Variants in CEACAM4 observed in about 807,000 individuals in gnomAD.
The protein encoded by CEACAM4 is CEA cell adhesion molecule 4, also known as cell adhesion molecule CEACAM4.
Under a neutral mutation model 28.7 loss-of-function variants are expected in CEACAM4, and 30 were observed. That is an observed-to-expected ratio of 1.05 (90% CI 0.78 to 1.42). CEACAM4 has a LOEUF of 1.42. CEACAM4 is among the 40% of genes most tolerant of loss of function. CEACAM4 has a pLI of 0.00. For synonymous variants in CEACAM4, 143 were observed against 126.5 expected (o/e 1.13, Z -0.87); for missense variants, 330 against 308.2 (o/e 1.07, Z -0.53).
At chr19:41,623,321 A>C (rs1195940182) in intron 2 of CEACAM4, among the ~76,000 whole-genome samples, 2 of 151,410 alleles carry the variant, frequency 1.3e-5, no homozygotes, top group African/African-American at 4.9e-5. Flanking sequence ...CTGGCCCCAG[A>C]GTTGTTTTAA....
chr19:41,625,171 A>C (rs1372772585), intron 2 of CEACAM4, among the ~76,000 whole-genome samples: 3 of 152,194 alleles, frequency 2.0e-5, no homozygotes, highest in Non-Finnish European at 4.4e-5. Context: ...CCTTGCTCCC[A>C]GTAAGCCCTG....
Position 41,626,986 on chromosome 19 carries a change from T to C in CEACAM4, c.-23A>G. 3.8e-6 allele frequency: 6 copies of C among 1,590,078 alleles called. No homozygotes were observed. The highest frequency in any genetic ancestry group is 4.3e-6 in the Non-Finnish European group (5 of 1,168,712). On this transcript the variant is annotated 5_prime_UTR_variant, in exon 1 of 7. Coordinates refer to ENST00000221954, the MANE Select transcript of CEACAM4 (RefSeq NM_001817.4). ...CATGGTCTCTGCTGCCTGCTTGTCCTCTGTGGAGAGGAGCTGGGCTCCAGG... is the reference window on the plus strand; with the variant it reads ...CATGGTCTCTGCTGCCTGCTTGTCCCCTGTGGAGAGGAGCTGGGCTCCAGG...
chr19:41,619,095 C>G lies in CEACAM4; in HGVS notation c.*235G>C, dbSNP rs3745933. 2 of 536,900 alleles carry G rather than the reference C, an allele frequency of 3.7e-6. No individual in the cohort carries two copies. Among genetic ancestry groups the G allele is most frequent in the Non-Finnish European group, 6.6e-6 (2 of 304,708 alleles). The allele number at this position is 536,900 out of a possible 1,614,324, so 33.3% of individuals were successfully genotyped here. A position where few individuals can be genotyped will look rare whatever the true frequency, so the allele number is the denominator to read the frequency against. Reference sequence around the variant, plus strand: ...CAGGCCCATTCACTTTCCTTGCAAGCCCCCGCTTCCTGTGGTGATGAGAGG... The same window carrying G: ...CAGGCCCATTCACTTTCCTTGCAAGGCCCCGCTTCCTGTGGTGATGAGAGG... On this transcript the variant is annotated 3_prime_UTR_variant, in exon 7 of 7. Transcript: ENST00000221954.
chr19:41,613,995 C>A, the CEACAM4 span, among the ~76,000 whole-genome samples: 1 of 152,134 alleles, frequency 6.6e-6, no homozygotes, highest in Non-Finnish European at 1.5e-5. Flanking sequence ...TTTTTACAGC[C>A]CAAATATCAT....
At chr19:41,625,230 G>A (rs1220664625) in intron 2 of CEACAM4, among the ~76,000 whole-genome samples, 2 of 152,180 alleles carry the variant, frequency 1.3e-5, no homozygotes, top group South Asian at 2.1e-4. Flanking sequence ...GGGGTCACAC[G>A]GAGTCAGGAG....
At chr19:41,616,432 T>C (rs2070982792), downstream of CEACAM4, among the ~76,000 whole-genome samples, 1 of 152,170 alleles carries the variant, frequency 6.6e-6, no homozygotes, top group African/African-American at 2.4e-5. Context: ...AGCATGTTCA[T>C]AGTATGCAGT....
At chr19:41,616,190 C>T (rs781873921), downstream of CEACAM4, among the ~76,000 whole-genome samples, 5 of 152,046 alleles carry the variant, frequency 3.3e-5, no homozygotes, top group Non-Finnish European at 7.4e-5. Flanking sequence ...CCACCAGGCC[C>T]GGCTAAATTT....
downstream of CEACAM4, among the ~76,000 whole-genome samples, chr19:41,618,727 C>T (rs1026116993): frequency 2.0e-5 from 3 of 152,164 alleles, no homozygotes; most frequent in Admixed American, 6.5e-5. Context: ...TGAGACCCCA[C>T]ATGCATTCAC....
chr19:41,619,307 A>C lies in CEACAM4; in HGVS notation c.*23T>G. 2 of 1,608,654 alleles carry C rather than the reference A, an allele frequency of 1.2e-6. No homozygotes were observed. Among genetic ancestry groups the C allele is most frequent in the Non-Finnish European group, 1.7e-6 (2 of 1,175,206 alleles). On this transcript the variant is annotated 3_prime_UTR_variant, in exon 7 of 7. Coordinates refer to ENST00000221954, the MANE Select transcript of CEACAM4 (RefSeq NM_001817.4). Reference sequence around the variant, plus strand: ...AGCTTCGGGGACGCTCCATCAACCCACAAGAGCAGCTCCCAGAGGAACCTA... The same window carrying C: ...AGCTTCGGGGACGCTCCATCAACCCCCAAGAGCAGCTCCCAGAGGAACCTA...
intron 2 of CEACAM4, among the ~76,000 whole-genome samples, chr19:41,624,716 T>C (rs1207879022): frequency 6.6e-6 from 1 of 152,190 alleles, no homozygotes; most frequent in Non-Finnish European, 1.5e-5. Flanking sequence ...GTGGCCGGTG[T>C]CTGTATCTCT....
chr19:41,613,956 C>T, the CEACAM4 span, among the ~76,000 whole-genome samples: 5 of 152,336 alleles, frequency 3.3e-5, no homozygotes, highest in South Asian at 4.1e-4. Flanking sequence ...CAAATACTTT[C>T]GATGCATTCT....
intron 4 of CEACAM4, 105 bp from the exon 5 acceptor site, chr19:41,620,347 G>T: frequency 8.9e-7 from 1 of 1,122,712 alleles, no homozygotes; most frequent in Non-Finnish European, 1.2e-6. Flanking sequence ...GGGAGAGGGA[G>T]CCTCTTCCCA....
chr19:41,619,540 C>T (rs1568644668), intron 6 of CEACAM4, 130 bp downstream of exon 6: 2 of 1,540,128 alleles, frequency 1.3e-6, no homozygotes, highest in Non-Finnish European at 1.8e-6. Context: ...CCCCTCCCTC[C>T]TCTGCTCACC....
downstream of CEACAM4, among the ~76,000 whole-genome samples, chr19:41,615,906 G>C (rs959252215): frequency 2.0e-5 from 3 of 152,202 alleles, no homozygotes; most frequent in Non-Finnish European, 4.4e-5. Flanking sequence ...GAGGTGATGG[G>C]AATGAGGAAG....
At chr19:41,621,082 G>C (rs879985257) in intron 3 of CEACAM4, among the ~76,000 whole-genome samples, 4 of 152,076 alleles carry the variant, frequency 2.6e-5, no homozygotes, top group African/African-American at 9.7e-5. Context: ...TTCAGGCCTG[G>C]AGATGCTGAA....
intron 4 of CEACAM4, 68 bp downstream of exon 4, chr19:41,620,507 G>A: frequency 7.3e-7 from 1 of 1,361,118 alleles, no homozygotes; most frequent in Non-Finnish European, 1.0e-6. Flanking sequence ...CCCAGGGGGT[G>A]ACTGGCAGGA....
In CEACAM4 at chr19:41,626,090, GT is replaced by G. The variant is rs1215786826; in HGVS notation, c.65-131del. The G allele has an allele frequency of 1.8e-5, 10 of 556,270 alleles. No individual in the cohort carries two copies. The African/African-American group carries it at 1.9e-4, about 11-fold the overall frequency. The allele number at this position is 556,270 out of a possible 1,614,324, so 34.5% of individuals were successfully genotyped here. ...TGTGTGTGTGTGTGTGTGTGTGTGTGTGTGTGTGTGTGTGTGTGTGTGTGTG... is the reference window on the plus strand; with the variant it reads ...TGTGTGTGTGTGTGTGTGTGTGTGTGGTGTGTGTGTGTGTGTGTGTGTGTG... On this transcript the variant is annotated intron_variant, in intron 1 of 6. Transcript: ENST00000221954.
At position 41,626,955 on chromosome 19, in the gene CEACAM4, G is replaced by A. The variant is rs1555804514; in HGVS notation, c.9C>T (p.Pro3=). ...GCCCTCCACGGGGAGCGGCTGAGGG[G>A]GGGCCCATGGTCTCTGCTGCCTGCT... MG[P]PSAAPRGGHR... is the part of the protein sequence containing the mutation. Residue 3 remains proline (P), a synonymous_variant, in exon 1 of 7, where the codon CCC becomes CCT. Transcript: ENST00000221954. 2.5e-6 allele frequency: 4 copies of A among 1,604,552 alleles called. No individual in the cohort carries two copies. The highest frequency in any genetic ancestry group is 1.3e-5 in the African/African-American group (1 of 74,438).
Position 41,625,890 on chromosome 19 carries a change from A to G in CEACAM4, c.135T>C (p.Ala45=). ...QFTIEALPSS[A]AEGKDVLLLA... Reference sequence around the variant, plus strand: ...GTAGAAGAACATCCTTTCCCTCTGCAGCACTGGACGGCAGGGCTTCAATAG... The same window carrying G: ...GTAGAAGAACATCCTTTCCCTCTGCGGCACTGGACGGCAGGGCTTCAATAG... Residue 45 remains alanine, a synonymous_variant, in exon 2 of 7, where the codon GCT becomes GCC. Coordinates refer to ENST00000221954, the MANE Select transcript of CEACAM4 (RefSeq NM_001817.4). The G allele has an allele frequency of 6.2e-7, 1 of 1,613,918 alleles. No homozygotes were observed. The highest frequency in any genetic ancestry group is 8.5e-7 in the Non-Finnish European group (1 of 1,179,902).
Sources: gnomAD v4.1 joint callset for allele counts (sites outside exome capture counted in the v4.1 genomes callset) on GRCh38, gnomAD v4.1.1 for gene constraint, MANE v1.5 for transcripts, NCBI Gene and HGNC (gene_info 2026-07-23, HGNC 2026-07-21) for gene names.